HHLA1: variants seen among roughly 807,000 people sequenced by gnomAD.
HHLA1 encodes HHLA1 neighbor of OC90, also known as HERV-H LTR-associating protein 1.
A neutral mutation model predicts 69.9 loss-of-function variants in HHLA1; 72 were observed. The observed-to-expected ratio is 1.03, with a 90% confidence interval of 0.85 to 1.25. The LOEUF is 1.25. Ranked by LOEUF, HHLA1 falls within the 50% of genes most tolerant of loss-of-function variation. The probability of loss-of-function intolerance (pLI) is 0.00; values close to 1 mark genes in which losing one functional copy is unlikely to be tolerated. For synonymous variants in HHLA1, 252 were observed against 233.2 expected (o/e 1.08, Z -0.73); for missense variants, 685 against 642.2 (o/e 1.07, Z -0.72).
intron 3 of HHLA1, 123 bp from the exon 4 acceptor site, chr8:132,100,257 T>G (rs993728787): frequency 4.2e-6 from 3 of 707,198 alleles, no homozygotes; most frequent in Non-Finnish European, 7.5e-6. Context: ...TGGCGGACAC[T>G]GAGGAAAGGC....
intron 4 of HHLA1, among the ~76,000 whole-genome samples, chr8:132,099,683 A>G (rs2116462): frequency 0.44 from 67,209 of 151,512 alleles, 15,412 homozygotes; most frequent in East Asian, 0.56. Flanking sequence ...GTGAAACCCC[A>G]TAGCTACTAA....
At chr8:132,090,558 G>A (rs1202067649) in intron 7 of HHLA1, among the ~76,000 whole-genome samples, 1 of 152,162 alleles carries the variant, frequency 6.6e-6, no homozygotes, top group Non-Finnish European at 1.5e-5. Flanking sequence ...ACAATTAGTG[G>A]AATGTGTAGC....
chr8:132,087,609 G>T, intron 10 of HHLA1, 44 bp downstream of exon 10: 1 of 1,312,114 alleles, frequency 7.6e-7, no homozygotes, highest in Non-Finnish European at 1.1e-6. Context: ...GTGGGACCCT[G>T]GTCTGGAGAG....
At chr8:132,075,585 T>C (rs1474870196) in intron 14 of HHLA1, among the ~76,000 whole-genome samples, 1 of 152,214 alleles carries the variant, frequency 6.6e-6, no homozygotes, top group Non-Finnish European at 1.5e-5. Context: ...CAGGACATCA[T>C]ACCCAGCAAA....
intron 11 of HHLA1, among the ~76,000 whole-genome samples, 200 bp from the exon 12 acceptor site, chr8:132,078,171 AACAC>A (rs34612835): frequency 0.11 from 16,534 of 144,372 alleles, 1,436 homozygotes; most frequent in East Asian, 0.27. Context: ...AGCACCAATA[AACAC>A]ACACACACAC....
chr8:132,071,358 G>A lies in HHLA1; in HGVS notation c.1451C>T (p.Pro484Leu), dbSNP rs1011748712. 3.2e-6 allele frequency: 5 copies of A among 1,551,546 alleles called. No individual in the cohort carries two copies. The highest frequency in any genetic ancestry group is 4.4e-6 in the Non-Finnish European group (5 of 1,146,880). ...AAGTTACCTCATGTCCTCTGTCCTG[G>A]GACTCCTCTGGCTCATGCAGAGGCA... Reference protein sequence around the residue: ...QQCLCMSQRSPRTEDMRYCLE... With the variant: ...QQCLCMSQRSLRTEDMRYCLE... Residue 484 changes from proline (P) to leucine (L), a missense_variant, in exon 15 of 17, where the codon CCC (proline) becomes CTC (leucine). Pro to Leu is a moderately conservative substitution (Grantham distance 98). Coordinates refer to ENST00000414222, the MANE Select transcript of HHLA1 (RefSeq NM_001145095.3).
intron 15 of HHLA1, 143 bp from the exon 16 acceptor site, chr8:132,066,111 G>T (rs1274865006): frequency 1.1e-5 from 4 of 370,992 alleles, no homozygotes; most frequent in African/African-American, 4.3e-5. Flanking sequence ...ATCTTTAAAG[G>T]GTGTCAGAGG....
At chr8:132,091,024 G>C (rs1823939023) in intron 7 of HHLA1, among the ~76,000 whole-genome samples, 1 of 152,150 alleles carries the variant, frequency 6.6e-6, no homozygotes, top group South Asian at 2.1e-4. Flanking sequence ...CTCCTTCTCT[G>C]TCTCTTTAGA....
At chr8:132,105,429 C>A in intron 1 of HHLA1, 143 bp from the exon 2 acceptor site, 1 of 633,018 alleles carries the variant, frequency 1.6e-6, no homozygotes, top group East Asian at 2.7e-5. Flanking sequence ...GCTAAGGTAA[C>A]AAATTAACTC....
intron 1 of HHLA1, among the ~76,000 whole-genome samples, chr8:132,110,893 C>T (rs1470738482): frequency 6.6e-6 from 1 of 152,068 alleles, no homozygotes; most frequent in Non-Finnish European, 1.5e-5. Flanking sequence ...TGAACAACGG[C>T]AAGAAATAGA....
intron 7 of HHLA1, among the ~76,000 whole-genome samples, chr8:132,091,738 C>T (rs1329808298): frequency 2.6e-5 from 4 of 152,236 alleles, no homozygotes. Context: ...TGTCTCTTAA[C>T]ACTCAGTGTT....
chr8:132,109,883 G>T (rs187033222), intron 1 of HHLA1, among the ~76,000 whole-genome samples: 1 of 152,134 alleles, frequency 6.6e-6, no homozygotes, highest in Non-Finnish European at 1.5e-5. Flanking sequence ...TCACACTCCC[G>T]GGAGAAGGGC....
At chr8:132,110,613 A>G (rs1563751954) in intron 1 of HHLA1, among the ~76,000 whole-genome samples, 1 of 152,246 alleles carries the variant, frequency 6.6e-6, no homozygotes, top group African/African-American at 2.4e-5. Context: ...TCAGACAAAC[A>G]TAAGGCCCAA....
chr8:132,077,780 C>A lies in HHLA1; in HGVS notation c.1117G>T (p.Ala373Ser). ...CCAGGTGTGGCCATTATCTCAGCAG[C>A]AGGCGCCAAAAGGCTTGTAGTGTTC... ...AMNTTSLLAP[A>S]AEIMATPGSP... is the part of the protein sequence containing the mutation. Residue 373 changes from alanine to serine, a missense_variant, in exon 12 of 17, where the codon GCT becomes TCT. Coordinates refer to ENST00000414222, the MANE Select transcript of HHLA1 (RefSeq NM_001145095.3). 6.4e-7 allele frequency: 1 copy of A among 1,551,650 alleles called. No individual in the cohort carries two copies. The highest frequency in any genetic ancestry group is 8.7e-7 in the Non-Finnish European group (1 of 1,146,968).
In HHLA1 at chr8:132,079,753, GTGGCTGTGGCCC is replaced by G; in HGVS notation, c.878_889del (p.Arg293_Ala296del). On this transcript the variant is annotated inframe_deletion, in exon 11 of 17. Transcript: ENST00000414222. ...GAGAGTGTGGGAGGCACTGAACCATGTGGCTGTGGCCCTGGCTGGAAGCTCAGGAGGCCTGCC... is the reference window on the plus strand; with the variant it reads ...GAGAGTGTGGGAGGCACTGAACCATGTGGCTGGAAGCTCAGGAGGCCTGCC... The G allele has an allele frequency of 6.4e-7, 1 of 1,551,494 alleles. No individual in the cohort carries two copies. The highest frequency in any genetic ancestry group is 8.7e-7 in the Non-Finnish European group (1 of 1,146,860).
chr8:132,077,063 T>C (rs1823657853), intron 12 of HHLA1, among the ~76,000 whole-genome samples: 1 of 152,126 alleles, frequency 6.6e-6, no homozygotes, highest in Non-Finnish European at 1.5e-5. Context: ...GATTCTGGCC[T>C]CTGGCGAAAC....
chr8:132,081,532 T>A (rs1427168050), intron 10 of HHLA1, among the ~76,000 whole-genome samples: 1 of 152,192 alleles, frequency 6.6e-6, no homozygotes, highest in Admixed American at 6.5e-5. Context: ...AAAAACTGCT[T>A]GGCTGATTTG....
chr8:132,061,925 A>G lies in HHLA1; in HGVS notation c.*2070T>C, dbSNP rs1208402379. 2 of 152,206 alleles carry G rather than the reference A, an allele frequency of 1.3e-5. No individual in the cohort carries two copies. The highest frequency in any genetic ancestry group is 4.8e-5 in the African/African-American group (2 of 41,454). 9.4% of individuals were successfully genotyped at this position (152,206 alleles called of 1,614,324 possible). ...TCCGCATTTGAGCTTCTTAAAGATT[A>G]TAGTCATGCTCAGTCATTATTCCCA... On this transcript the variant is annotated 3_prime_UTR_variant, in exon 17 of 17. Coordinates refer to ENST00000414222, the MANE Select transcript of HHLA1 (RefSeq NM_001145095.3).
intron 3 of HHLA1, 50 bp from the exon 4 acceptor site, chr8:132,100,184 AC>A: frequency 7.3e-7 from 1 of 1,362,880 alleles, no homozygotes; most frequent in Non-Finnish European, 1.0e-6. Context: ...TCCAGTTCCT[AC>A]CCCCAGGAAT....
Sources: allele counts gnomAD v4.1 joint callset (sites outside exome capture counted in the v4.1 genomes callset), GRCh38; gene constraint gnomAD v4.1.1; transcripts MANE v1.5; gene names NCBI Gene and HGNC (gene_info 2026-07-23, HGNC 2026-07-21).